NELL2: variants seen among roughly 807,000 people sequenced by gnomAD.
NELL2 encodes protein kinase C-binding protein NELL2.
NELL2 carries 41 observed loss-of-function variants against 109.6 expected under a neutral mutation model. That is an observed-to-expected ratio of 0.37 (90% CI 0.29 to 0.49). The LOEUF is 0.49. NELL2 is among the 20% of genes least tolerant of loss of function. The pLI, the probability that NELL2 is intolerant of heterozygous loss-of-function variation, is 0.98. For synonymous variants in NELL2, 355 were observed against 344.7 expected (o/e 1.03, Z -0.33); for missense variants, 900 against 1,008.3 (o/e 0.89, Z 1.45).
chr12:44,744,471 A>G (rs1051615838), intron 9 of NELL2, among the ~76,000 whole-genome samples: 3 of 152,326 alleles, frequency 2.0e-5, no homozygotes, highest in Admixed American at 2.0e-4. Flanking sequence ...TGAAGGAAAT[A>G]GAGACACAAA....
intron 2 of NELL2, among the ~76,000 whole-genome samples, chr12:44,871,286 G>T (rs1945152654): frequency 6.6e-6 from 1 of 152,068 alleles, no homozygotes. Flanking sequence ...TTATCTTAAT[G>T]GTGATTAGGT....
At chr12:44,672,759 A>C (rs1948182096) in intron 12 of NELL2, among the ~76,000 whole-genome samples, 1 of 152,188 alleles carries the variant, frequency 6.6e-6, no homozygotes. Context: ...TTATTTATAA[A>C]CATAAATGGA....
At chr12:44,774,988 G>A in intron 8 of NELL2, 139 bp from the exon 9 acceptor site, 1 of 621,996 alleles carries the variant, frequency 1.6e-6, no homozygotes, top group Non-Finnish European at 2.7e-6. Flanking sequence ...AGGGGAGGCG[G>A]TGCTGACAAT....
intron 1 of NELL2, among the ~76,000 whole-genome samples, chr12:44,889,044 G>C (rs187347496): frequency 6.6e-6 from 1 of 151,794 alleles, no homozygotes; most frequent in Non-Finnish European, 1.5e-5. Flanking sequence ...GACTGCTGGG[G>C]GTCAAGTCTA....
intron 12 of NELL2, among the ~76,000 whole-genome samples, chr12:44,685,822 G>A (rs149586014): frequency 0.062 from 9,504 of 152,166 alleles, 403 homozygotes; most frequent in Non-Finnish European, 0.091. Flanking sequence ...AGGGTAACCC[G>A]ACCTTTCTCT....
chr12:44,813,796 C>A (rs1450548), intron 3 of NELL2, among the ~76,000 whole-genome samples: 108,313 of 151,938 alleles, frequency 0.71, 38,654 homozygotes, highest in African/African-American at 0.73. Context: ...TAATCTAAAA[C>A]AATAAATATT....
At chr12:44,756,225 T>G (rs1208871821) in intron 9 of NELL2, among the ~76,000 whole-genome samples, 1 of 152,126 alleles carries the variant, frequency 6.6e-6, no homozygotes, top group African/African-American at 2.4e-5. Flanking sequence ...ATTCTTCAAT[T>G]ATGCTCTGAA....
intron 9 of NELL2, among the ~76,000 whole-genome samples, chr12:44,718,163 G>C (rs1280541369): frequency 1.3e-5 from 2 of 152,172 alleles, no homozygotes; most frequent in East Asian, 3.9e-4. Context: ...TGAGGGAACT[G>C]AGCTCTGGGA....
At chr12:44,705,938 C>T (rs1285725272) in intron 11 of NELL2, among the ~76,000 whole-genome samples, 1 of 152,176 alleles carries the variant, frequency 6.6e-6, no homozygotes, top group East Asian at 1.9e-4. Flanking sequence ...TTTCTCCTCT[C>T]CCATCTTGGA....
intron 9 of NELL2, among the ~76,000 whole-genome samples, chr12:44,739,317 T>G (rs1283588132): frequency 1.3e-5 from 2 of 152,036 alleles, no homozygotes; most frequent in African/African-American, 4.8e-5. Context: ...AGAAAAAAAA[T>G]TACTATCTAT....
At chr12:44,746,673 A>G (rs1036817891) in intron 9 of NELL2, among the ~76,000 whole-genome samples, 3 of 152,210 alleles carry the variant, frequency 2.0e-5, no homozygotes, top group Admixed American at 1.3e-4. Context: ...GAAGACATTT[A>G]TGCAGCCAAA....
At chr12:44,561,797 T>A (rs937664289) in intron 15 of NELL2, among the ~76,000 whole-genome samples, 6 of 152,180 alleles carry the variant, frequency 3.9e-5, no homozygotes, top group African/African-American at 1.4e-4. Context: ...ATTGACTTTT[T>A]TCACAGAATT....
At chr12:44,516,189 T>C (rs1304440590) in intron 19 of NELL2, among the ~76,000 whole-genome samples, 1 of 152,036 alleles carries the variant, frequency 6.6e-6, no homozygotes, top group African/African-American at 2.4e-5. Context: ...ACACATCATA[T>C]AATTGCATTG....
At chr12:44,565,262 C>T (rs906451827) in intron 15 of NELL2, among the ~76,000 whole-genome samples, 5 of 152,084 alleles carry the variant, frequency 3.3e-5, no homozygotes, top group East Asian at 1.9e-4. Context: ...ACTCTAACAA[C>T]GATCATATTT....
chr12:44,863,263 C>A (rs903185974), intron 2 of NELL2, among the ~76,000 whole-genome samples: 2 of 151,978 alleles, frequency 1.3e-5, no homozygotes, highest in African/African-American at 4.8e-5. Flanking sequence ...GAAATAGTAG[C>A]AGAAAACATT....
chr12:44,911,926 A>C (rs923436779), intron 1 of NELL2, among the ~76,000 whole-genome samples: 3 of 151,784 alleles, frequency 2.0e-5, no homozygotes, highest in Admixed American at 2.0e-4. Flanking sequence ...ATATGTAACA[A>C]ACCTGCACGT....
At chr12:44,578,656 A>C (rs1449094254) in intron 15 of NELL2, among the ~76,000 whole-genome samples, 1 of 151,174 alleles carries the variant, frequency 6.6e-6, no homozygotes, top group Non-Finnish European at 1.5e-5. Flanking sequence ...GCAACAAAAA[A>C]CTCCAGGAGA....
chr12:44,619,236 G>A (rs557801851), intron 13 of NELL2, among the ~76,000 whole-genome samples: 2 of 152,246 alleles, frequency 1.3e-5, no homozygotes, highest in East Asian at 3.9e-4. Flanking sequence ...GGTATAAAAA[G>A]GCCCTCAAGT....
intron 9 of NELL2, among the ~76,000 whole-genome samples, chr12:44,769,838 A>C (rs1941477525): frequency 6.6e-6 from 1 of 152,116 alleles, no homozygotes; most frequent in South Asian, 2.1e-4. Flanking sequence ...ATGCAGCTAC[A>C]TTTTTGACCC....
Sources: allele counts gnomAD v4.1 joint callset (sites outside exome capture counted in the v4.1 genomes callset), GRCh38; gene constraint gnomAD v4.1.1; transcripts MANE v1.5; gene names NCBI Gene and HGNC (gene_info 2026-07-23, HGNC 2026-07-21).